SLC35D4: variants seen among roughly 807,000 people sequenced by gnomAD.
SLC35D4 encodes the protein solute carrier family 35 member D4, also known as UDP-N-acetylglucosamine transporter SLC35D4.
chr18:23,274,138 G>A, the SLC35D4 span, among the ~76,000 whole-genome samples: 2 of 152,108 alleles, frequency 1.3e-5, no homozygotes, highest in African/African-American at 2.4e-5. Flanking sequence ...GTCTCACTCT[G>A]TTATCTATTC....
chr18:23,352,899 G>A, the SLC35D4 span, among the ~76,000 whole-genome samples: 7 of 152,314 alleles, frequency 4.6e-5, no homozygotes, highest in African/African-American at 1.7e-4. Context: ...CAGCATCTTG[G>A]GGCTATTCAG....
chr18:23,309,583 G>A, the SLC35D4 span: 15 of 1,042,100 alleles, frequency 1.4e-5, no homozygotes, highest in South Asian at 1.3e-4. Context: ...CACAGCCAAC[G>A]CACACTCCCT....
chr18:23,248,981 G>A, the SLC35D4 span, among the ~76,000 whole-genome samples: 2 of 152,254 alleles, frequency 1.3e-5, no homozygotes, highest in South Asian at 4.1e-4. Context: ...CTGGGACCAG[G>A]ACTCTGGCTT....
the SLC35D4 span, among the ~76,000 whole-genome samples, chr18:23,419,070 G>A: frequency 6.6e-6 from 1 of 152,082 alleles, no homozygotes; most frequent in Non-Finnish European, 1.5e-5. Context: ...AAACTGGGCA[G>A]AGTCATCACA....
At chr18:23,268,067 C>T in the SLC35D4 span, among the ~76,000 whole-genome samples, 1 of 152,334 alleles carries the variant, frequency 6.6e-6, no homozygotes, top group Non-Finnish European at 1.5e-5. Flanking sequence ...CTCACCAAGC[C>T]ATCCCAGAAA....
At chr18:23,298,764 G>A in the SLC35D4 span, among the ~76,000 whole-genome samples, 2 of 152,196 alleles carry the variant, frequency 1.3e-5, no homozygotes, top group Admixed American at 1.3e-4. Flanking sequence ...CCTGTGCTGG[G>A]CCATCACCAA....
At chr18:23,399,919 G>A in the SLC35D4 span, among the ~76,000 whole-genome samples, 4,091 of 152,316 alleles carry the variant, frequency 0.027, 67 homozygotes, top group Non-Finnish European at 0.042. Context: ...TTGGAAGAGA[G>A]AACAGATCTG....
At chr18:23,435,631 A>G in the SLC35D4 span, among the ~76,000 whole-genome samples, 2 of 152,282 alleles carry the variant, frequency 1.3e-5, no homozygotes, top group African/African-American at 4.8e-5. Context: ...CTTCCAGAGT[A>G]ACGACCGTTT....
At chr18:23,293,051 C>A in the SLC35D4 span, among the ~76,000 whole-genome samples, 1 of 152,116 alleles carries the variant, frequency 6.6e-6, no homozygotes, top group East Asian at 1.9e-4. Flanking sequence ...ACCAGCCTGA[C>A]CAATGTTGTG....
the SLC35D4 span, among the ~76,000 whole-genome samples, chr18:23,313,156 A>AAAAAAAAAAAAAAAAAAT: frequency 6.1e-5 from 9 of 146,520 alleles, no homozygotes; most frequent in Non-Finnish European, 1.1e-4. Flanking sequence ...AAAAAAAAAA[A>AAAAAAAAAAAAAAAAAAT]AGAACCTGAG....
the SLC35D4 span, among the ~76,000 whole-genome samples, chr18:23,408,613 T>G: frequency 6.6e-6 from 1 of 152,158 alleles, no homozygotes; most frequent in African/African-American, 2.4e-5. Context: ...ATCCCACACC[T>G]GTCTCTCTGA....
the SLC35D4 span, among the ~76,000 whole-genome samples, chr18:23,428,091 C>T: frequency 1.3e-5 from 2 of 151,966 alleles, no homozygotes; most frequent in South Asian, 2.1e-4. Context: ...ATGGGCACAG[C>T]GCACCAACAT....
At chr18:23,336,567 C>A in the SLC35D4 span, among the ~76,000 whole-genome samples, 1 of 152,154 alleles carries the variant, frequency 6.6e-6, no homozygotes, top group Admixed American at 6.6e-5. Context: ...TGTGGTTTAA[C>A]AATGTATTTT....
the SLC35D4 span, among the ~76,000 whole-genome samples, chr18:23,365,352 C>T: frequency 2.6e-5 from 4 of 152,080 alleles, no homozygotes; most frequent in Non-Finnish European, 4.4e-5. Context: ...ATTTCAGAAG[C>T]GGGCAAAATA....
the SLC35D4 span, among the ~76,000 whole-genome samples, chr18:23,287,767 G>A: frequency 1.7e-4 from 26 of 151,732 alleles, no homozygotes; most frequent in Admixed American, 3.9e-4. Context: ...CTGACTCATC[G>A]CAACCCTTTT....
At chr18:23,385,367 A>C in the SLC35D4 span, among the ~76,000 whole-genome samples, 4 of 152,238 alleles carry the variant, frequency 2.6e-5, no homozygotes, top group African/African-American at 9.6e-5. Context: ...ATGCCCCCTC[A>C]GGCGAGAGCT....
At chr18:23,339,066 C>A in the SLC35D4 span, among the ~76,000 whole-genome samples, 3 of 151,990 alleles carry the variant, frequency 2.0e-5, no homozygotes, top group Non-Finnish European at 4.4e-5. Context: ...TAAAAAAAAA[C>A]TTTTTGTAGA....
At chr18:23,403,760 A>G in the SLC35D4 span, among the ~76,000 whole-genome samples, 1 of 152,204 alleles carries the variant, frequency 6.6e-6, no homozygotes, top group East Asian at 1.9e-4. Flanking sequence ...AAGCAGAGAT[A>G]TCAAGTAGGC....
chr18:23,269,839 G>A, the SLC35D4 span, among the ~76,000 whole-genome samples: 1 of 152,210 alleles, frequency 6.6e-6, no homozygotes, highest in South Asian at 2.1e-4. Context: ...GAACTTGAGA[G>A]AGATGATTTA....
Sources: allele counts gnomAD v4.1 joint callset (sites outside exome capture counted in the v4.1 genomes callset), GRCh38; gene constraint gnomAD v4.1.1; transcripts MANE v1.5; gene names NCBI Gene and HGNC (gene_info 2026-07-23, HGNC 2026-07-21).